HORMAD2: variants seen among roughly 807,000 people sequenced by gnomAD.
The protein encoded by HORMAD2 is HORMA domain-containing protein 2.
A neutral mutation model predicts 38.8 loss-of-function variants in HORMAD2; 45 were observed. The observed-to-expected ratio is 1.16, with a 90% CI of 0.91 to 1.49. The LOEUF is 1.49. Ranked by LOEUF, HORMAD2 falls within the 40% of genes most tolerant of loss-of-function variation. HORMAD2 has a pLI of 0.00. For synonymous variants in HORMAD2, 126 were observed against 122.8 expected (o/e 1.03, Z -0.17); for missense variants, 338 against 367.0 (o/e 0.92, Z 0.65).
intron 10 of HORMAD2, among the ~76,000 whole-genome samples, chr22:30,124,256 A>AACACACACAC (rs10616156): frequency 0.021 from 3,046 of 146,520 alleles, 50 homozygotes; most frequent in African/African-American, 0.032. Flanking sequence ...GAATACATGG[A>AACACACACAC]ACACACACAC....
the HORMAD2 span, among the ~76,000 whole-genome samples, chr22:30,195,991 C>G: frequency 6.6e-6 from 1 of 152,188 alleles, no homozygotes; most frequent in Non-Finnish European, 1.5e-5. Context: ...AAAAACTTTT[C>G]CTTTCACTTA....
At chr22:30,137,111 C>A in intron 10 of HORMAD2, 1 of 388,158 alleles carries the variant, frequency 2.6e-6, no homozygotes, top group South Asian at 2.9e-5. Context: ...AAATCATGGT[C>A]TGCTATTTTT....
chr22:30,176,259 A>G lies in HORMAD2; in HGVS notation c.*92A>G. 2 of 883,796 alleles carry G rather than the reference A, an allele frequency of 2.3e-6. No individual in the cohort carries two copies. Among genetic ancestry groups the G allele is most frequent in the Non-Finnish European group, 3.4e-6 (2 of 588,906 alleles). The allele number at this position is 883,796 out of a possible 1,614,324, so 54.7% of individuals were successfully genotyped here. A position where few individuals can be genotyped will look rare whatever the true frequency, so the allele number is the denominator to read the frequency against. On this transcript the variant is annotated 3_prime_UTR_variant, in exon 11 of 11. Coordinates refer to ENST00000336726, the MANE Select transcript of HORMAD2 (RefSeq NM_152510.4). Reference sequence around the variant, plus strand: ...CTTAGCAGGAAAGTACATTCCTGTTACCAAAACCTTTTTCTAAATTTTTTG... The same window carrying G: ...CTTAGCAGGAAAGTACATTCCTGTTGCCAAAACCTTTTTCTAAATTTTTTG...
chr22:30,165,761 G>A (rs185463110), intron 10 of HORMAD2, among the ~76,000 whole-genome samples: 7 of 151,946 alleles, frequency 4.6e-5, no homozygotes, highest in Admixed American at 2.0e-4. Flanking sequence ...CAATTCCCTG[G>A]TAATTGAAAT....
chr22:30,085,155 A>T lies in HORMAD2; in HGVS notation c.-38+4664A>T, dbSNP rs202146928. Among the ~76,000 whole-genome samples, 15 of 152,124 alleles carry T rather than the reference A, an allele frequency of 9.9e-5. No homozygotes were observed. In the East Asian group the frequency reaches 2.9e-3, roughly 30 times the overall value. On this transcript the variant is annotated intron_variant, in intron 1 of 10. Coordinates refer to ENST00000336726, the MANE Select transcript of HORMAD2 (RefSeq NM_152510.4). ...AGCCAGACTCCGTCTCAAAAAAAAA[A>T]AAAATGAGCTAAACAAGACACAAAA...
chr22:30,090,084 C>T (rs779585174), intron 1 of HORMAD2, among the ~76,000 whole-genome samples: 5 of 152,114 alleles, frequency 3.3e-5, no homozygotes, highest in Non-Finnish European at 7.4e-5. Context: ...GAATAGGGGT[C>T]GGGTGTGGTG....
intron 7 of HORMAD2, among the ~76,000 whole-genome samples, chr22:30,114,570 A>T (rs1002142618): frequency 6.6e-6 from 1 of 152,244 alleles, no homozygotes; most frequent in African/African-American, 2.4e-5. Flanking sequence ...ATATTGTGCC[A>T]TGTTTCTTGA....
At chr22:30,203,907 T>C in the HORMAD2 span, among the ~76,000 whole-genome samples, 1 of 152,166 alleles carries the variant, frequency 6.6e-6, no homozygotes, top group East Asian at 1.9e-4. Context: ...TTTACCCTCA[T>C]ACACAAGCAC....
chr22:30,090,038 G>A (rs2068653974), intron 1 of HORMAD2, among the ~76,000 whole-genome samples: 1 of 152,156 alleles, frequency 6.6e-6, no homozygotes, highest in African/African-American at 2.4e-5. Flanking sequence ...TATTCACATT[G>A]TTGCATGTAT....
chr22:30,190,960 T>C, the HORMAD2 span, among the ~76,000 whole-genome samples: 7 of 151,650 alleles, frequency 4.6e-5, no homozygotes, highest in African/African-American at 1.7e-4. Flanking sequence ...CCAGATTCTA[T>C]TTTTAGTCAA....
At chr22:30,203,770 G>A in the HORMAD2 span, among the ~76,000 whole-genome samples, 46 of 152,182 alleles carry the variant, frequency 3.0e-4, no homozygotes, top group Admixed American at 2.2e-3. Flanking sequence ...TCTCCCTCAC[G>A]CATGGCTATA....
At chr22:30,162,285 G>A (rs1316075223) in intron 10 of HORMAD2, among the ~76,000 whole-genome samples, 1 of 150,966 alleles carries the variant, frequency 6.6e-6, no homozygotes, top group African/African-American at 2.4e-5. Flanking sequence ...CTGCACCCCA[G>A]CCTAGGTGAC....
At chr22:30,196,097 A>G in the HORMAD2 span, among the ~76,000 whole-genome samples, 1 of 152,218 alleles carries the variant, frequency 6.6e-6, no homozygotes, top group African/African-American at 2.4e-5. Flanking sequence ...CTAAGCCACT[A>G]CAGAGCCACT....
chr22:30,195,959 C>T, the HORMAD2 span, among the ~76,000 whole-genome samples: 1 of 152,228 alleles, frequency 6.6e-6, no homozygotes, highest in Non-Finnish European at 1.5e-5. Flanking sequence ...ATGTGTTTCA[C>T]ATTTGTCTTG....
chr22:30,079,118 T>C (rs1158176695), upstream of HORMAD2, among the ~76,000 whole-genome samples: 4 of 148,998 alleles, frequency 2.7e-5, no homozygotes, highest in East Asian at 1.9e-4. Flanking sequence ...ACTTGAATAG[T>C]TTTTTTTTTC....
chr22:30,172,837 G>A (rs372521820), intron 10 of HORMAD2, among the ~76,000 whole-genome samples: 23 of 151,650 alleles, frequency 1.5e-4, no homozygotes, highest in South Asian at 4.2e-4. Context: ...GCAGTGAGCC[G>A]AGGTTGCACC....
chr22:30,101,347 TTATG>T (rs1201604772), intron 3 of HORMAD2, among the ~76,000 whole-genome samples: 1 of 151,934 alleles, frequency 6.6e-6, no homozygotes, highest in Non-Finnish European at 1.5e-5. Flanking sequence ...AAAACCTGTG[TTATG>T]TATGTTCTCA....
intron 10 of HORMAD2, among the ~76,000 whole-genome samples, chr22:30,125,391 G>T (rs1384771166): frequency 4.6e-5 from 7 of 151,158 alleles, no homozygotes; most frequent in African/African-American, 1.7e-4. Context: ...ACCACACCCA[G>T]CTAATTTTGT....
At chr22:30,151,700 CATATT>C (rs1250634845) in intron 10 of HORMAD2, among the ~76,000 whole-genome samples, 2 of 152,112 alleles carry the variant, frequency 1.3e-5, no homozygotes, top group Non-Finnish European at 2.9e-5. Flanking sequence ...ATTTCTTACT[CATATT>C]ATATCTTTTT....
Sources: allele counts gnomAD v4.1 joint callset (sites outside exome capture counted in the v4.1 genomes callset), GRCh38; gene constraint gnomAD v4.1.1; transcripts MANE v1.5; gene names NCBI Gene and HGNC (gene_info 2026-07-23, HGNC 2026-07-21).